COL22A1: variants seen among roughly 807,000 people sequenced by gnomAD.
COL22A1 encodes collagen alpha-1(XXII) chain.
Under a neutral mutation model 248.9 loss-of-function variants are expected in COL22A1, and 221 were observed. That is an observed-to-expected ratio of 0.89 (90% CI 0.80 to 0.99). COL22A1 has a LOEUF of 0.99. Ranked by LOEUF, COL22A1 falls within the 50% of genes least tolerant of loss-of-function variation. The pLI is 0.00. For missense variants in COL22A1, 2,240 were observed against 2,179.0 expected (o/e 1.03, Z -0.56); for synonymous variants, 891 against 793.4 (o/e 1.12, Z -2.07).
intron 18 of COL22A1, among the ~76,000 whole-genome samples, chr8:138,758,884 T>C (rs1833233584): frequency 6.6e-6 from 1 of 152,200 alleles, no homozygotes; most frequent in Non-Finnish European, 1.5e-5. Context: ...CTAAATAAGG[T>C]GGAAGGTTGA....
chr8:138,907,932 A>C (rs552759783), intron 1 of COL22A1, among the ~76,000 whole-genome samples: 22 of 152,182 alleles, frequency 1.4e-4, no homozygotes, highest in African/African-American at 5.3e-4. Context: ...CACATCTCCC[A>C]ACACTGCTGC....
At chr8:138,685,797 C>T (rs1321966257) in intron 37 of COL22A1, among the ~76,000 whole-genome samples, 1 of 152,162 alleles carries the variant, frequency 6.6e-6, no homozygotes, top group African/African-American at 2.4e-5. Flanking sequence ...GCCTCCAAAA[C>T]TGGGAGAAAG....
chr8:138,684,285 C>A, intron 39 of COL22A1, 140 bp downstream of exon 39: 1 of 720,762 alleles, frequency 1.4e-6, no homozygotes, highest in Non-Finnish European at 2.5e-6. Flanking sequence ...AGTCCTAGAA[C>A]CTTTAGTCAA....
Position 138,694,571 on chromosome 8 carries a change from C to A in COL22A1, c.2647-10G>T, listed in dbSNP as rs1282169696. 1.2e-6 allele frequency: 2 copies of A among 1,613,806 alleles called. No homozygotes were observed. Among genetic ancestry groups the A allele is most frequent in the Non-Finnish European group, 1.7e-6 (2 of 1,179,818 alleles). The stretch of plus-strand genomic sequence containing the variant: ...GACGGCCCTGCAGTCCCTGTAAGCA[C>A]ACAAGTTGCCATGAACCAGCTCATC... On this transcript the variant is annotated splice_polypyrimidine_tract_variant and intron_variant, in intron 33 of 64. Coordinates refer to ENST00000303045, the MANE Select transcript of COL22A1 (RefSeq NM_152888.3).
At chr8:138,615,208 T>G (rs1819212860) in intron 55 of COL22A1, among the ~76,000 whole-genome samples, 1 of 152,192 alleles carries the variant, frequency 6.6e-6, no homozygotes, top group South Asian at 2.1e-4. Flanking sequence ...GGATCTCAAA[T>G]TTTTCATTTG....
chr8:138,759,253 G>A (rs916632071), intron 18 of COL22A1, among the ~76,000 whole-genome samples: 2 of 152,136 alleles, frequency 1.3e-5, no homozygotes, highest in Non-Finnish European at 2.9e-5. Context: ...CTTCCATAAG[G>A]AGTTGGAGCA....
intron 26 of COL22A1, 100 bp from the exon 27 acceptor site, chr8:138,720,892 A>G: frequency 1.0e-6 from 1 of 973,914 alleles, no homozygotes; most frequent in Admixed American, 1.7e-5. Context: ...AACTACCTGC[A>G]CTCGGGTGGT....
intron 40 of COL22A1, among the ~76,000 whole-genome samples, chr8:138,677,138 C>G (rs1825625786): frequency 6.6e-6 from 1 of 152,216 alleles, no homozygotes; most frequent in Non-Finnish European, 1.5e-5. Context: ...GAGATAAGAC[C>G]TTTGCCTTCA....
chr8:138,591,362 A>G, intron 64 of COL22A1, 62 bp downstream of exon 64: 1 of 1,282,270 alleles, frequency 7.8e-7, no homozygotes, highest in Non-Finnish European at 1.1e-6. Context: ...GGCCACGGGC[A>G]GGGGTGCTGG....
chr8:138,621,887 C>G (rs1819835028), intron 52 of COL22A1, among the ~76,000 whole-genome samples: 1 of 152,238 alleles, frequency 6.6e-6, no homozygotes, highest in African/African-American at 2.4e-5. Context: ...ATTTGCCCAT[C>G]ATGGGCAGCT....
At chr8:138,913,231 C>G (rs1476830999) in intron 1 of COL22A1, among the ~76,000 whole-genome samples, 2 of 151,866 alleles carry the variant, frequency 1.3e-5, no homozygotes, top group Non-Finnish European at 1.5e-5. Context: ...AAACTTCTTA[C>G]TTGAAAGTTT....
At position 138,698,374 on chromosome 8, in the gene COL22A1, A is replaced by G. The variant is rs138547266; in HGVS notation, c.2592+1738T>C. On this transcript the variant is annotated intron_variant, in intron 32 of 64. Coordinates refer to ENST00000303045, the MANE Select transcript of COL22A1 (RefSeq NM_152888.3). Reference sequence around the variant, plus strand: ...GTAGGGCCTTCTTGGCAAGTTCCCTAGCACCTCTGAGCTGCAGGACCGTCA... The same window carrying G: ...GTAGGGCCTTCTTGGCAAGTTCCCTGGCACCTCTGAGCTGCAGGACCGTCA... Among the ~76,000 whole-genome samples the G allele has an allele frequency of 5.5e-3, 833 of 152,276 alleles. 9 individuals are homozygous for G. Among genetic ancestry groups the G allele is most frequent in the African/African-American group, 0.019 (799 of 41,560 alleles).
At chr8:138,672,079 C>A (rs1372856315) in intron 41 of COL22A1, among the ~76,000 whole-genome samples, 1 of 152,160 alleles carries the variant, frequency 6.6e-6, no homozygotes, top group African/African-American at 2.4e-5. Context: ...CAGGGGCCAA[C>A]TGTATGGTAC....
intron 12 of COL22A1, among the ~76,000 whole-genome samples, chr8:138,782,760 T>A (rs1815130845): frequency 6.6e-6 from 1 of 152,056 alleles, no homozygotes; most frequent in African/African-American, 2.4e-5. Flanking sequence ...CACTCTGCTG[T>A]GGGAACAGAA....
Position 138,755,930 on chromosome 8 carries a change from C to T in COL22A1, c.1903-101G>A, listed in dbSNP as rs776571471. 9.6e-6 allele frequency: 9 copies of T among 939,558 alleles called. No individual in the cohort carries two copies. The African/African-American group carries it at 1.3e-4, about 14-fold the overall frequency. 58.2% of individuals were successfully genotyped at this position (939,558 alleles called of 1,614,324 possible). On this transcript the variant is annotated intron_variant, in intron 18 of 64. Coordinates refer to ENST00000303045, the MANE Select transcript of COL22A1 (RefSeq NM_152888.3). Reference sequence around the variant, plus strand: ...ATTCTTGTGGGCCCAGGGGACCACACCCCTCCCTGTGCACCACCACACATA... The same window carrying T: ...ATTCTTGTGGGCCCAGGGGACCACATCCCTCCCTGTGCACCACCACACATA...
At chr8:138,722,860 G>T (rs1405948436) in intron 25 of COL22A1, among the ~76,000 whole-genome samples, 1 of 90,230 alleles carries the variant, frequency 1.1e-5, no homozygotes, top group East Asian at 5.3e-4. Flanking sequence ...CGGGGGGGGG[G>T]TGGTGGAAAA....
intron 35 of COL22A1, among the ~76,000 whole-genome samples, chr8:138,692,886 C>T (rs1030452325): frequency 6.6e-6 from 1 of 152,160 alleles, no homozygotes; most frequent in Non-Finnish European, 1.5e-5. Flanking sequence ...AGACCCAGTT[C>T]CAACCTGACC....
intron 9 of COL22A1, 54 bp downstream of exon 9, chr8:138,811,745 C>T: frequency 6.2e-7 from 1 of 1,610,254 alleles, no homozygotes. Context: ...ATGGGAAACT[C>T]CCACTGCACC....
At chr8:138,821,721 G>A (rs868237342) in intron 6 of COL22A1, among the ~76,000 whole-genome samples, 1 of 152,196 alleles carries the variant, frequency 6.6e-6, no homozygotes, top group African/African-American at 2.4e-5. Context: ...GAAGGGCTAT[G>A]CGGGTAAGAG....
Sources: gnomAD v4.1 joint callset for allele counts (sites outside exome capture counted in the v4.1 genomes callset) on GRCh38, gnomAD v4.1.1 for gene constraint, MANE v1.5 for transcripts, NCBI Gene and HGNC (gene_info 2026-07-23, HGNC 2026-07-21) for gene names.